The following MAST2 variants were observed in gnomAD, a reference collection of about 807,000 sequenced individuals.
MAST2 encodes the protein microtubule-associated serine/threonine-protein kinase 2.
Under a neutral mutation model 147.4 loss-of-function variants are expected in MAST2, and 70 were observed. The observed-to-expected ratio is 0.47, with a 90% confidence interval of 0.39 to 0.58. The LOEUF (loss-of-function observed/expected upper bound fraction) is 0.58, where lower values mean the gene tolerates loss of function less well. Among genes scored for constraint, MAST2 ranks in the 20% least tolerant of loss-of-function variants. MAST2 has a pLI of 0.00. For missense variants in MAST2, 2,080 were observed against 2,302.3 expected, an observed-to-expected ratio of 0.90 and a Z score of 1.98; for synonymous variants, 869 against 896.8, an observed-to-expected ratio of 0.97 and a Z score of 0.55.
Position 45,959,455 on chromosome 1 carries a change from C to G in MAST2, c.570C>G (p.His190Gln). 6.2e-7 allele frequency: 1 copy of G among 1,613,734 alleles called. No homozygotes were observed. Among genetic ancestry groups the G allele is most frequent in the Non-Finnish European group, 8.5e-7 (1 of 1,179,774 alleles). The change falls in exon 5 of 29, where the codon CAC (histidine) becomes CAG (glutamine). Residue 190 changes from histidine (H) to glutamine (Q), a missense_variant. Around this residue, in one of 4 missense-constraint regions of MAST2, gnomAD observed 569 missense variants for 642.5 expected, o/e 0.89. Transcript: ENST00000361297. ...SSTSPTLPRP[H>Q]SPLHGHTGNS... ...CATCACCTACACTACCACGGCCACA[C>G]TCACCACTCCATGGCCACACAGGTG... is the stretch of plus-strand genomic sequence containing the variant.
chr1:46,014,020 C>G lies in MAST2; in HGVS notation c.1188+3081C>G, dbSNP rs547551392. On this transcript the variant is annotated intron_variant, in intron 10 of 28. Coordinates refer to ENST00000361297, the MANE Select transcript of MAST2 (RefSeq NM_015112.3). ...AAATAATTTTAAAATAATTTGTAAG[C>G]AAAAATAATCCTAATTAGGCATTCA... 3.3e-5 allele frequency among the ~76,000 whole-genome samples: 5 copies of G among 151,728 alleles called. No homozygotes were observed. The South Asian group carries it at 1.0e-3, about 32-fold the overall frequency.
At chr1:45,900,292 G>A (rs1649550704) in intron 4 of MAST2, among the ~76,000 whole-genome samples, 1 of 151,820 alleles carries the variant, frequency 6.6e-6, no homozygotes, top group Non-Finnish European at 1.5e-5. Flanking sequence ...TTTTCTGTAG[G>A]GGTTGAACTA....
chr1:45,886,582 T>C (rs543625372), intron 4 of MAST2, among the ~76,000 whole-genome samples: 1 of 152,262 alleles, frequency 6.6e-6, no homozygotes, highest in African/African-American at 2.4e-5. Context: ...TTTTAATGCA[T>C]TAAAAATGTA....
intron 3 of MAST2, among the ~76,000 whole-genome samples, chr1:45,835,261 G>A (rs989577510): frequency 1.3e-5 from 2 of 151,990 alleles, no homozygotes; most frequent in African/African-American, 2.4e-5. Context: ...CATTAACAAA[G>A]TTATCAGGAA....
chr1:45,984,759 G>A (rs1231167227), intron 5 of MAST2, among the ~76,000 whole-genome samples: 1 of 152,188 alleles, frequency 6.6e-6, no homozygotes, highest in Non-Finnish European at 1.5e-5. Flanking sequence ...AGGCCAACGC[G>A]GGAGGATTGC....
Position 46,035,230 on chromosome 1 carries a change from C to T in MAST2, c.4561C>T (p.Leu1521=). The change falls in exon 29 of 29, where the codon CTG becomes TTG. Residue 1521 remains leucine (L), a synonymous_variant. Coordinates refer to ENST00000361297, the MANE Select transcript of MAST2 (RefSeq NM_015112.3). The surrounding 1 kb of genome is among the most constrained non-coding windows in gnomAD (Gnocchi z 5.5). ...TGAGAACAGCCAGGGTGCACAGGAG[C>T]TGAGCTTGGCACCTCACCCAGAAGT... ...GPENSQGAQE[L]SLAPHPEVSQ... is the part of the protein sequence containing the mutation. 6.2e-7 allele frequency: 1 copy of T among 1,614,042 alleles called. No individual in the cohort carries two copies. Among genetic ancestry groups the T allele is most frequent in the Non-Finnish European group, 8.5e-7 (1 of 1,180,016 alleles).
At chr1:45,927,286 A>T (rs1654528380) in intron 4 of MAST2, among the ~76,000 whole-genome samples, 2 of 151,370 alleles carry the variant, frequency 1.3e-5, no homozygotes, top group Non-Finnish European at 3.0e-5. Flanking sequence ...ATAACATCTT[A>T]TCAGGAGATA....
At chr1:45,990,885 C>G (rs747487898) in intron 5 of MAST2, among the ~76,000 whole-genome samples, 35 of 152,054 alleles carry the variant, frequency 2.3e-4, no homozygotes, top group Non-Finnish European at 4.0e-4. Flanking sequence ...TTAATGCAGT[C>G]TAGCTTATTA....
chr1:45,945,699 T>G (rs572125488), intron 4 of MAST2, among the ~76,000 whole-genome samples: 38 of 152,356 alleles, frequency 2.5e-4, no homozygotes, highest in Non-Finnish European at 5.4e-4. Flanking sequence ...ATGTATGTAT[T>G]GGGCCAAAAT....
At chr1:45,852,821 C>G (rs1351556781) in intron 3 of MAST2, among the ~76,000 whole-genome samples, 1 of 151,826 alleles carries the variant, frequency 6.6e-6, no homozygotes, top group Non-Finnish European at 1.5e-5. Context: ...ATTGTATGGT[C>G]ACACATCACT....
chr1:45,938,766 A>G (rs1434698781), intron 4 of MAST2, among the ~76,000 whole-genome samples: 3 of 152,216 alleles, frequency 2.0e-5, no homozygotes, highest in Non-Finnish European at 1.5e-5. Context: ...AGTGGTGTGT[A>G]GTATATCACT....
rs1463939054 is a variant in MAST2 at position 46,021,935 on chromosome 1, T to C, written c.1291-15T>C. 1 of 1,613,716 alleles carries C rather than the reference T, an allele frequency of 6.2e-7. No homozygotes were observed. The highest frequency in any genetic ancestry group is 1.7e-5 in the Admixed American group (1 of 59,932). ...TATATCTGTCACCACTGACTATCTC[T>C]CTCCCTTGGTACAGGAGTTTGACCC... is the stretch of plus-strand genomic sequence containing the variant. On this transcript the variant is annotated splice_polypyrimidine_tract_variant and intron_variant, in intron 11 of 28. Coordinates refer to ENST00000361297, the MANE Select transcript of MAST2 (RefSeq NM_015112.3).
At chr1:45,876,386 CTGGAA>C (rs1646607322) in intron 3 of MAST2, among the ~76,000 whole-genome samples, 2 of 152,226 alleles carry the variant, frequency 1.3e-5, no homozygotes, top group African/African-American at 4.8e-5. Context: ...TTATCTGAAG[CTGGAA>C]TAGACTTGAA....
At chr1:45,851,983 C>G (rs1462206347) in intron 3 of MAST2, among the ~76,000 whole-genome samples, 1 of 151,846 alleles carries the variant, frequency 6.6e-6, no homozygotes, top group Non-Finnish European at 1.5e-5. Flanking sequence ...TAAAAAAATA[C>G]TTATGGTTGC....
chr1:45,842,314 G>T (rs1355278096), intron 3 of MAST2, among the ~76,000 whole-genome samples: 2 of 152,130 alleles, frequency 1.3e-5, no homozygotes, highest in East Asian at 3.8e-4. Context: ...ATATTGATAT[G>T]AAATTTACAT....
At chr1:45,975,577 A>T (rs1644113475) in intron 5 of MAST2, among the ~76,000 whole-genome samples, 1 of 140,706 alleles carries the variant, frequency 7.1e-6, no homozygotes, top group South Asian at 2.4e-4. Flanking sequence ...CTGAGGTGGG[A>T]GGGAGGATCG....
intron 5 of MAST2, among the ~76,000 whole-genome samples, chr1:45,963,328 G>A (rs1557972035): frequency 6.6e-6 from 1 of 152,172 alleles, no homozygotes; most frequent in Non-Finnish European, 1.5e-5. Flanking sequence ...GATGGGGGTG[G>A]CATTGAATCT....
chr1:45,987,777 A>ATTTTTTTTTTTTTTTTTTTTTTTGTT (rs1644696222), intron 5 of MAST2, among the ~76,000 whole-genome samples: 1 of 21,778 alleles, frequency 4.6e-5, no homozygotes, highest in Non-Finnish European at 7.5e-5. Context: ...TTTTTTTTTG[A>ATTTTTTTTTTTTTTTTTTTTTTTGTT]TTTTTTTTTT....
intron 4 of MAST2, among the ~76,000 whole-genome samples, chr1:45,943,939 T>C (rs966057379): frequency 6.6e-6 from 1 of 152,170 alleles, no homozygotes; most frequent in East Asian, 1.9e-4. Flanking sequence ...ATGTTTAAGG[T>C]AGGGGTGTTC....
Sources: allele counts gnomAD v4.1 joint callset (sites outside exome capture counted in the v4.1 genomes callset), GRCh38; gene constraint gnomAD v4.1.1; regional missense constraint gnomAD v4.1.1; non-coding constraint Gnocchi (gnomAD v3.1); transcripts MANE v1.5; gene names NCBI Gene and HGNC (gene_info 2026-07-23, HGNC 2026-07-21).